APC: variants seen among roughly 807,000 people sequenced by gnomAD.
The protein encoded by APC is APC regulator of Wnt signaling pathway, also known as adenomatous polyposis coli protein.
A neutral mutation model predicts 247.0 loss-of-function variants in APC; 72 were observed. The observed-to-expected ratio is 0.29, with a 90% confidence interval of 0.24 to 0.35. The LOEUF is 0.35. APC is among the 10% of genes least tolerant of loss of function. The probability of loss-of-function intolerance (pLI) is 1.00; values close to 1 mark genes in which losing one functional copy is unlikely to be tolerated. For missense variants in APC, 3,400 were observed against 3,360.7 expected (o/e 1.01, Z -0.29); for synonymous variants, 1,254 against 1,162.5 (o/e 1.08, Z -1.60).
chr5:112,755,098 A>G lies in APC; in HGVS notation c.135+73A>G, dbSNP rs1163588004. Reference sequence around the variant, plus strand: ...TATTCCCTCTTGTAAACTTGAGGTAAGACACTTTACTTAAAAGTGTATTTT... The same window carrying G: ...TATTCCCTCTTGTAAACTTGAGGTAGGACACTTTACTTAAAAGTGTATTTT... On this transcript the variant is annotated intron_variant, in intron 2 of 15. Transcript: ENST00000257430. 8.8e-6 allele frequency: 14 copies of G among 1,597,762 alleles called. No homozygotes were observed. In the East Asian group the frequency reaches 3.1e-4, roughly 36 times the overall value.
intron 12 of APC, 121 bp from the exon 13 acceptor site, chr5:112,827,808 G>A: frequency 2.7e-6 from 2 of 752,774 alleles, no homozygotes; most frequent in Non-Finnish European, 4.6e-6. Context: ...TTTTATGAGT[G>A]AAGTATCAGT....
intron 8 of APC, among the ~76,000 whole-genome samples, chr5:112,806,880 C>T (rs1313143437): frequency 6.6e-6 from 1 of 152,154 alleles, no homozygotes; most frequent in Non-Finnish European, 1.5e-5. Flanking sequence ...CACATGTAAT[C>T]CCAGCACTTT....
intron 7 of APC, among the ~76,000 whole-genome samples, chr5:112,797,863 A>G (rs893978328): frequency 1.8e-4 from 27 of 152,190 alleles, no homozygotes; most frequent in Admixed American, 6.5e-5. Context: ...AGGAAATGCA[A>G]ATCAAAGCCC....
chr5:112,783,860 T>A, intron 6 of APC: 1 of 310,518 alleles, frequency 3.2e-6, no homozygotes, highest in African/African-American at 2.2e-5. Flanking sequence ...TGTGAATAGT[T>A]CCATCAGAAA....
At chr5:112,818,845 G>A (rs71588728) in intron 9 of APC, 121 bp from the exon 10 acceptor site, 1 of 707,384 alleles carries the variant, frequency 1.4e-6, no homozygotes, top group Non-Finnish European at 2.1e-6. Flanking sequence ...TTTTTTTTTT[G>A]GCGGGGGGGG....
At chr5:112,755,609 G>A (rs1229980730) in intron 2 of APC, among the ~76,000 whole-genome samples, 1 of 152,106 alleles carries the variant, frequency 6.6e-6, no homozygotes, top group East Asian at 1.9e-4. Context: ...GATTTCCATG[G>A]CACCTTCAAG....
intron 1 of APC, among the ~76,000 whole-genome samples, chr5:112,745,969 T>A (rs1753626707): frequency 6.6e-6 from 1 of 152,238 alleles, no homozygotes. Context: ...AAAGTATGTG[T>A]TGATGTTTTT....
intron 6 of APC, among the ~76,000 whole-genome samples, chr5:112,781,775 T>C (rs983626524): frequency 2.0e-5 from 3 of 152,038 alleles, no homozygotes; most frequent in Non-Finnish European, 4.4e-5. Flanking sequence ...TTTTTTTTTT[T>C]TTTCTTGAGT....
chr5:112,821,747 A>G, intron 10 of APC, 149 bp from the exon 11 acceptor site: 1 of 661,410 alleles, frequency 1.5e-6, no homozygotes. Context: ...TGTAGTATTT[A>G]TTCATCCTTT....
chr5:112,711,360 T>C (rs977652863), intron 1 of APC, among the ~76,000 whole-genome samples: 3 of 152,116 alleles, frequency 2.0e-5, no homozygotes, highest in Admixed American at 2.0e-4. Flanking sequence ...CATGGAAAAA[T>C]TGTCTTCCAC....
chr5:112,782,705 T>A (rs1160951688), intron 6 of APC, among the ~76,000 whole-genome samples: 1 of 152,220 alleles, frequency 6.6e-6, no homozygotes, highest in Non-Finnish European at 1.5e-5. Context: ...AGTATGTTTC[T>A]GATATTAGAG....
intron 1 of APC, 139 bp downstream of exon 1, chr5:112,738,064 C>A: frequency 2.0e-6 from 1 of 510,256 alleles, no homozygotes; most frequent in Non-Finnish European, 2.5e-6. Context: ...GCAGGGGCGT[C>A]GTCCCCCCGC....
chr5:112,759,971 G>C (rs1049437683), intron 2 of APC, among the ~76,000 whole-genome samples: 2 of 151,932 alleles, frequency 1.3e-5, no homozygotes, highest in African/African-American at 4.8e-5. Context: ...AGAAAACACT[G>C]GATAAAATAC....
At chr5:112,748,694 CTG>C (rs1254674135) in intron 1 of APC, among the ~76,000 whole-genome samples, 6 of 152,116 alleles carry the variant, frequency 3.9e-5, no homozygotes, top group Non-Finnish European at 8.8e-5. Context: ...AACCCCATCT[CTG>C]TAATCCCAGC....
intron 1 of APC, among the ~76,000 whole-genome samples, chr5:112,725,600 C>CA (rs368015004): frequency 2.0e-3 from 283 of 138,890 alleles, no homozygotes; most frequent in Middle Eastern, 3.7e-3. Flanking sequence ...CAAAAACATA[C>CA]AAAAAAAAAA....
intron 8 of APC, among the ~76,000 whole-genome samples, chr5:112,805,355 GA>G (rs1230074308): frequency 1.3e-5 from 2 of 152,154 alleles, no homozygotes; most frequent in Non-Finnish European, 2.9e-5. Context: ...GATGGCAGAG[GA>G]AAAGATCTAT....
chr5:112,730,051 A>G (rs1036533349), intron 1 of APC, among the ~76,000 whole-genome samples: 1 of 152,226 alleles, frequency 6.6e-6, no homozygotes, highest in Non-Finnish European at 1.5e-5. Context: ...TAACATAAAG[A>G]TGTCTCCTGC....
chr5:112,791,693 A>T (rs1759615416), intron 6 of APC, among the ~76,000 whole-genome samples: 1 of 152,148 alleles, frequency 6.6e-6, no homozygotes, highest in African/African-American at 2.4e-5. Context: ...AACAAATCAG[A>T]TGTTCTTTCC....
chr5:112,750,032 G>A lies in APC; in HGVS notation c.-18-4841G>A, dbSNP rs56875042. Reference sequence around the variant, plus strand: ...GGCTGGAGTGCAGTGGCGCGATCTCGGCTCACTGCATCCTCCACCTCCCAG... The same window carrying A: ...GGCTGGAGTGCAGTGGCGCGATCTCAGCTCACTGCATCCTCCACCTCCCAG... On this transcript the variant is annotated intron_variant, in intron 1 of 15. Coordinates refer to ENST00000257430, the MANE Select transcript of APC (RefSeq NM_000038.6). 8.0e-3 allele frequency among the ~76,000 whole-genome samples: 1,131 copies of A among 140,800 alleles called. 13 individuals carry two copies. The highest frequency in any genetic ancestry group is 0.028 in the African/African-American group (1,054 of 37,246). The allele number at this position is 140,800 out of a possible 152,430, so 92.4% of individuals were successfully genotyped here.
Sources: gnomAD v4.1 joint callset for allele counts (sites outside exome capture counted in the v4.1 genomes callset) on GRCh38, gnomAD v4.1.1 for gene constraint, MANE v1.5 for transcripts, NCBI Gene and HGNC (gene_info 2026-07-23, HGNC 2026-07-21) for gene names.